Variants in SEC14L2 observed in about 807,000 individuals in gnomAD.
The protein encoded by SEC14L2 is SEC14-like protein 2.
In SEC14L2, 50 loss-of-function variants were observed where a neutral mutation model predicts 56.9. The ratio of observed to expected loss-of-function variants is 0.88; its 90% CI spans 0.70 to 1.11. The LOEUF (loss-of-function observed/expected upper bound fraction) is 1.11. Among genes scored for constraint, SEC14L2 ranks in the 50% most tolerant of loss-of-function variants. The pLI is 0.00. For missense variants in SEC14L2, 414 were observed against 500.7 expected, an observed-to-expected ratio of 0.83 and a Z score of 1.65; for synonymous variants, 179 against 188.5, an observed-to-expected ratio of 0.95 and a Z score of 0.41.
chr22:30,400,018 G>A (rs1361105424), intron 2 of SEC14L2, among the ~76,000 whole-genome samples: 1 of 152,242 alleles, frequency 6.6e-6, no homozygotes, highest in African/African-American at 2.4e-5. Context: ...CAAGAAATCT[G>A]CTCTGCTGAT....
At chr22:30,410,439 G>A (rs1007475797) in intron 7 of SEC14L2, among the ~76,000 whole-genome samples, 157 bp from the exon 8 acceptor site, 2 of 152,214 alleles carry the variant, frequency 1.3e-5, no homozygotes, top group South Asian at 2.1e-4. Context: ...TGCCCATGCT[G>A]AGCTGCACAC....
At chr22:30,416,516 T>C in intron 11 of SEC14L2, 113 bp downstream of exon 11, 1 of 1,579,120 alleles carries the variant, frequency 6.3e-7, no homozygotes, top group Non-Finnish European at 8.6e-7. Context: ...AGAAGTGGAA[T>C]GCCATCAGTT....
chr22:30,410,555 G>A, intron 7 of SEC14L2, 41 bp from the exon 8 acceptor site: 1 of 1,575,808 alleles, frequency 6.3e-7, no homozygotes, highest in Non-Finnish European at 8.7e-7. Context: ...GGACAGACTG[G>A]GCACTGCTCC....
intron 2 of SEC14L2, among the ~76,000 whole-genome samples, chr22:30,401,100 C>CT (rs1362813122): frequency 1.3e-5 from 2 of 151,156 alleles, no homozygotes; most frequent in African/African-American, 2.4e-5. Context: ...ATTTTAATTT[C>CT]TTTTTTTGAG....
At chr22:30,407,807 G>A (rs1280264022) in intron 5 of SEC14L2, among the ~76,000 whole-genome samples, 1 of 151,060 alleles carries the variant, frequency 6.6e-6, no homozygotes, top group Non-Finnish European at 1.5e-5. Context: ...GACCTCAAGT[G>A]ATCCACCCAC....
chr22:30,411,083 C>G (rs775603282), intron 8 of SEC14L2, among the ~76,000 whole-genome samples: 2 of 151,686 alleles, frequency 1.3e-5, no homozygotes, highest in Non-Finnish European at 1.5e-5. Context: ...GGCAACAAAG[C>G]GAGACCCTGT....
chr22:30,400,493 C>A (rs1167986715), intron 2 of SEC14L2: 1 of 152,260 alleles, frequency 6.6e-6, no homozygotes, highest in African/African-American at 2.4e-5. Context: ...TCCTTCCCCT[C>A]CTCTCCTTTC....
chr22:30,409,132 C>T (rs530575908), intron 5 of SEC14L2, 55 bp from the exon 6 acceptor site: 21 of 1,479,114 alleles, frequency 1.4e-5, no homozygotes, highest in African/African-American at 1.4e-4. Flanking sequence ...TGGACTGGAA[C>T]GGGCTTCTGA....
chr22:30,404,293 G>T (rs1443443401), intron 2 of SEC14L2, among the ~76,000 whole-genome samples: 1 of 152,190 alleles, frequency 6.6e-6, no homozygotes, highest in African/African-American at 2.4e-5. Context: ...ACACAAAAAA[G>T]GGTGGGATTC....
rs1367577447 is a variant in SEC14L2 at position 30,407,081 on chromosome 22, T to C, written c.175-14T>C. The stretch of plus-strand genomic sequence containing the variant: ...ATCCCTCCTTTTAAAAATTTCCCCA[T>C]TGTATCTTTGTAGCATGTGGAGTTC... On this transcript the variant is annotated splice_polypyrimidine_tract_variant and intron_variant, in intron 3 of 11. Coordinates refer to ENST00000615189, the MANE Select transcript of SEC14L2 (RefSeq NM_012429.5). The C allele has an allele frequency of 6.2e-7, 1 of 1,612,986 alleles. No individual in the cohort carries two copies.
chr22:30,405,575 T>C (rs1413695993), intron 2 of SEC14L2, among the ~76,000 whole-genome samples: 2 of 152,154 alleles, frequency 1.3e-5, no homozygotes, highest in African/African-American at 4.8e-5. Flanking sequence ...TGTGGGCCCT[T>C]TGAGGACATG....
intron 2 of SEC14L2, among the ~76,000 whole-genome samples, chr22:30,405,959 G>C (rs1934081126): frequency 1.3e-5 from 2 of 152,240 alleles, no homozygotes; most frequent in South Asian, 4.1e-4. Context: ...GATTGGATGT[G>C]AGACTGTGGA....
chr22:30,416,797 T>G, intron 11 of SEC14L2: 3 of 1,181,332 alleles, frequency 2.5e-6, no homozygotes, highest in South Asian at 5.1e-5. Context: ...GGTAAGCAGA[T>G]GCTCAAAAGT....
At chr22:30,399,828 C>G in intron 2 of SEC14L2, 110 bp downstream of exon 2, 1 of 843,422 alleles carries the variant, frequency 1.2e-6, no homozygotes, top group Non-Finnish European at 1.8e-6. Flanking sequence ...GAGTGTCCAA[C>G]CTTTAGCGCC....
intron 11 of SEC14L2, chr22:30,416,673 G>A (rs191911470): frequency 7.9e-5 from 113 of 1,422,006 alleles, no homozygotes; most frequent in African/African-American, 4.7e-4. Context: ...GGTTCAACAC[G>A]TCTGCTTTCT....
At chr22:30,398,361 T>C (rs150842256) in intron 1 of SEC14L2, among the ~76,000 whole-genome samples, 2,316 of 152,258 alleles carry the variant, frequency 0.015, 43 homozygotes, top group Middle Eastern at 0.037. Context: ...TGGGATGGTC[T>C]GAGTCCCTGG....
intron 8 of SEC14L2, among the ~76,000 whole-genome samples, chr22:30,411,213 A>G (rs1282284954): frequency 1.3e-5 from 2 of 152,130 alleles, no homozygotes; most frequent in Non-Finnish European, 2.9e-5. Context: ...GTTAGCTATG[A>G]TCATGCCACT....
chr22:30,422,147 C>T, intron 11 of SEC14L2, 130 bp from the exon 12 acceptor site: 1 of 1,138,358 alleles, frequency 8.8e-7, no homozygotes, highest in Admixed American at 2.2e-5. Context: ...AGGATCATTA[C>T]CTAGGCTACC....
rs915030142 is a variant in SEC14L2, at chr22:30,424,393, C to G, written c.*1986C>G. The G allele has an allele frequency of 1.3e-5, 4 of 308,640 alleles. No homozygotes were observed. Among genetic ancestry groups the G allele is most frequent in the African/African-American group, 2.2e-5 (1 of 45,624 alleles). The allele number at this position is 308,640 out of a possible 1,614,324, so 19.1% of individuals were successfully genotyped here. A position where few individuals can be genotyped will look rare whatever the true frequency, so the allele number is the denominator to read the frequency against. ...TTGAGGTAACTGCTGACCGGACTGT[C>G]CTATACAGCCCTACAAGACAGAGGC... is the stretch of plus-strand genomic sequence containing the variant. On this transcript the variant is annotated 3_prime_UTR_variant, in exon 12 of 12. Transcript: ENST00000615189.
Sources: gnomAD v4.1 joint callset for allele counts (sites outside exome capture counted in the v4.1 genomes callset) on GRCh38, gnomAD v4.1.1 for gene constraint, MANE v1.5 for transcripts, NCBI Gene and HGNC (gene_info 2026-07-23, HGNC 2026-07-21) for gene names.